HS3ST4: variants seen among roughly 807,000 people sequenced by gnomAD.
HS3ST4 encodes heparan sulfate-glucosamine 3-sulfotransferase 4.
In HS3ST4, 17 loss-of-function variants were observed where a neutral mutation model predicts 29.2. The observed-to-expected ratio is 0.58, with a 90% CI of 0.40 to 0.87. HS3ST4 has a LOEUF of 0.87. Among genes scored for constraint, HS3ST4 ranks in the 40% least tolerant of loss-of-function variants. The probability of loss-of-function intolerance (pLI) is 0.00; values close to 1 mark genes in which losing one functional copy is unlikely to be tolerated. For synonymous variants in HS3ST4, 314 were observed against 285.7 expected, an observed-to-expected ratio of 1.10 and a Z score of -1.00; for missense variants, 627 against 634.5, an observed-to-expected ratio of 0.99 and a Z score of 0.13.
chr16:26,046,337 G>A (rs1354844776), intron 1 of HS3ST4, among the ~76,000 whole-genome samples: 2 of 151,974 alleles, frequency 1.3e-5, no homozygotes, highest in Admixed American at 6.6e-5. Flanking sequence ...TTTTAGTAGA[G>A]ACAGGTTTTT....
At chr16:25,821,007 A>G (rs990831782) in intron 1 of HS3ST4, among the ~76,000 whole-genome samples, 1 of 151,554 alleles carries the variant, frequency 6.6e-6, no homozygotes, top group Non-Finnish European at 1.5e-5. Flanking sequence ...GAAAGCTCCT[A>G]TCAATATGTA....
chr16:25,746,150 C>T (rs1966683937), intron 1 of HS3ST4, among the ~76,000 whole-genome samples: 1 of 152,224 alleles, frequency 6.6e-6, no homozygotes, highest in African/African-American at 2.4e-5. Context: ...TGAAGGTCAG[C>T]ACCTATTCCT....
At chr16:25,827,509 A>G (rs894825404) in intron 1 of HS3ST4, among the ~76,000 whole-genome samples, 21 of 143,830 alleles carry the variant, frequency 1.5e-4, no homozygotes, top group Non-Finnish European at 3.0e-4. Flanking sequence ...TGTCAATGTA[A>G]TAAACAGAAT....
intron 1 of HS3ST4, among the ~76,000 whole-genome samples, chr16:25,757,110 T>C (rs913152851): frequency 6.6e-6 from 1 of 152,190 alleles, no homozygotes; most frequent in Admixed American, 6.5e-5. Context: ...GTGCACAAAA[T>C]AGTGTCCTAG....
chr16:25,710,904 A>T (rs1381462534), intron 1 of HS3ST4, among the ~76,000 whole-genome samples: 2 of 147,622 alleles, frequency 1.4e-5, no homozygotes, highest in Non-Finnish European at 3.0e-5. Context: ...GCAGCCTAGA[A>T]CTCCTGGGCT....
At chr16:25,767,164 G>A (rs1282394740) in intron 1 of HS3ST4, among the ~76,000 whole-genome samples, 9 of 152,164 alleles carry the variant, frequency 5.9e-5, no homozygotes, top group Admixed American at 5.9e-4. Flanking sequence ...AGTGGTTGGG[G>A]GAACTTTAGC....
At chr16:25,962,790 G>A (rs1312384315) in intron 1 of HS3ST4, among the ~76,000 whole-genome samples, 1 of 152,166 alleles carries the variant, frequency 6.6e-6, no homozygotes, top group Non-Finnish European at 1.5e-5. Flanking sequence ...AACCAAGGCA[G>A]GCTGGGAGAT....
chr16:25,779,396 G>A (rs1205302332), intron 1 of HS3ST4, among the ~76,000 whole-genome samples: 1 of 152,220 alleles, frequency 6.6e-6, no homozygotes. Context: ...GTTGGTGGCT[G>A]AGTAGGATCC....
intron 1 of HS3ST4, among the ~76,000 whole-genome samples, chr16:25,748,573 G>GT (rs1367233828): frequency 6.6e-6 from 1 of 152,220 alleles, no homozygotes; most frequent in Non-Finnish European, 1.5e-5. Flanking sequence ...GCATGAAGCA[G>GT]TGTCCTTATT....
intron 1 of HS3ST4, among the ~76,000 whole-genome samples, chr16:25,759,843 T>C (rs1237473787): frequency 6.6e-6 from 1 of 151,892 alleles, no homozygotes; most frequent in African/African-American, 2.4e-5. Flanking sequence ...TGAGCTATGA[T>C]GACACCACTA....
At chr16:25,773,426 C>T (rs1966844683) in intron 1 of HS3ST4, among the ~76,000 whole-genome samples, 1 of 152,130 alleles carries the variant, frequency 6.6e-6, no homozygotes, top group South Asian at 2.1e-4. Context: ...TTGAATTTGC[C>T]TTGGTTGTGA....
At chr16:26,014,513 G>A (rs1969344079) in intron 1 of HS3ST4, among the ~76,000 whole-genome samples, 4 of 152,090 alleles carry the variant, frequency 2.6e-5, no homozygotes, top group African/African-American at 9.7e-5. Context: ...TCCTCACATA[G>A]GTCCTGGTGT....
intron 1 of HS3ST4, among the ~76,000 whole-genome samples, chr16:25,798,946 A>G (rs535936111): frequency 3.9e-5 from 6 of 152,332 alleles, no homozygotes; most frequent in Admixed American, 6.5e-5. Flanking sequence ...GCAGTGAAGC[A>G]TAGACGTTAC....
chr16:25,728,994 G>C (rs545674822), intron 1 of HS3ST4, among the ~76,000 whole-genome samples: 1 of 152,066 alleles, frequency 6.6e-6, no homozygotes, highest in African/African-American at 2.4e-5. Flanking sequence ...GAGGTGGGAG[G>C]ATCTCTTGAG....
intron 1 of HS3ST4, among the ~76,000 whole-genome samples, chr16:26,027,622 T>G (rs1043938216): frequency 2.6e-5 from 4 of 152,216 alleles, no homozygotes; most frequent in African/African-American, 9.7e-5. Flanking sequence ...AGCAGAAGAA[T>G]TTGGTGAGAA....
intron 1 of HS3ST4, among the ~76,000 whole-genome samples, chr16:25,944,969 C>A (rs1043147078): frequency 1.2e-4 from 19 of 152,140 alleles, no homozygotes; most frequent in African/African-American, 3.6e-4. Flanking sequence ...TTAAAAAATT[C>A]TTTTAATTTC....
chr16:25,930,442 C>G (rs1192796060), intron 1 of HS3ST4, among the ~76,000 whole-genome samples: 1 of 152,228 alleles, frequency 6.6e-6, no homozygotes, highest in Non-Finnish European at 1.5e-5. Flanking sequence ...ATGTTAATCT[C>G]TCTTCACAGA....
At chr16:26,050,702 G>A (rs561749344) in intron 1 of HS3ST4, among the ~76,000 whole-genome samples, 40 of 152,272 alleles carry the variant, frequency 2.6e-4, no homozygotes, top group African/African-American at 8.4e-4. Flanking sequence ...ATTCTTGTGC[G>A]TCCAGCGGAC....
chr16:25,852,250 A>G (rs1967529248), intron 1 of HS3ST4, among the ~76,000 whole-genome samples: 2 of 151,816 alleles, frequency 1.3e-5, no homozygotes, highest in African/African-American at 4.8e-5. Context: ...TTCCAATCAA[A>G]CTCCTTAAGT....
Sources: allele counts gnomAD v4.1 joint callset (sites outside exome capture counted in the v4.1 genomes callset), GRCh38; gene constraint gnomAD v4.1.1; transcripts MANE v1.5; gene names NCBI Gene and HGNC (gene_info 2026-07-23, HGNC 2026-07-21).